The following DENND2C variants were observed in gnomAD, a reference collection of about 807,000 sequenced individuals.
The protein encoded by DENND2C is DENN domain containing 2C, also known as DENN domain-containing protein 2C.
Under a neutral mutation model 112.4 loss-of-function variants are expected in DENND2C, and 72 were observed. That is an observed-to-expected ratio of 0.64 (90% CI 0.53 to 0.78). DENND2C has a LOEUF of 0.78. Among genes scored for constraint, DENND2C ranks in the 30% least tolerant of loss-of-function variants. The pLI is 0.00. For synonymous variants in DENND2C, 329 were observed against 381.6 expected, an observed-to-expected ratio of 0.86 and a Z score of 1.61; for missense variants, 992 against 1,113.8, an observed-to-expected ratio of 0.89 and a Z score of 1.56.
chr1:114,663,060 A>T (rs191014397), intron 1 of DENND2C, among the ~76,000 whole-genome samples: 46 of 152,162 alleles, frequency 3.0e-4, no homozygotes, highest in Non-Finnish European at 6.5e-4. Context: ...AGTCCTTTAA[A>T]TTTTTTTCTC....
At chr1:114,610,692 T>C (rs1187090041) in intron 9 of DENND2C, among the ~76,000 whole-genome samples, 5 of 136,712 alleles carry the variant, frequency 3.7e-5, no homozygotes, top group African/African-American at 1.1e-4. Context: ...AGAGGGAGAC[T>C]CCGTCTCAAA....
At chr1:114,595,954 A>G in intron 16 of DENND2C, 81 bp from the exon 17 acceptor site, 5 of 1,309,898 alleles carry the variant, frequency 3.8e-6, no homozygotes, top group Non-Finnish European at 5.4e-6. Flanking sequence ...TTTAAACAAA[A>G]TTTACTCAAA....
chr1:114,583,598 G>A lies in DENND2C; in HGVS notation c.*2002C>T, dbSNP rs1454945840. 1 of 151,124 alleles carries A rather than the reference G, an allele frequency of 6.6e-6. No individual in the cohort carries two copies. The highest frequency in any genetic ancestry group is 2.0e-4 in the East Asian group (1 of 5,126). The allele number at this position is 151,124 out of a possible 1,614,324, so 9.4% of individuals were successfully genotyped here. A position where few individuals can be genotyped will look rare whatever the true frequency, so the allele number is the denominator to read the frequency against. Reference sequence around the variant, plus strand: ...AAGGTGGGTGGATCACCTGAGGTCAGGAGTTCGAGACCAGCCTGGCCAACA... The same window carrying A: ...AAGGTGGGTGGATCACCTGAGGTCAAGAGTTCGAGACCAGCCTGGCCAACA... On this transcript the variant is annotated 3_prime_UTR_variant, in exon 21 of 21. Transcript: ENST00000393274.
intron 18 of DENND2C, among the ~76,000 whole-genome samples, chr1:114,591,398 T>C (rs1655186863): frequency 6.6e-6 from 1 of 152,222 alleles, no homozygotes; most frequent in Non-Finnish European, 1.5e-5. Context: ...GGGCTTATCA[T>C]GTTTCTTCTT....
At chr1:114,616,968 C>A (rs1655988776) in intron 8 of DENND2C, among the ~76,000 whole-genome samples, 1 of 152,164 alleles carries the variant, frequency 6.6e-6, no homozygotes, top group African/African-American at 2.4e-5. Flanking sequence ...GCACTTCTTA[C>A]ATGGTGGCAG....
chr1:114,631,110 T>TG (rs1656476628), intron 3 of DENND2C, among the ~76,000 whole-genome samples: 2 of 152,268 alleles, frequency 1.3e-5, no homozygotes, highest in Non-Finnish European at 2.9e-5. Context: ...GCACTGTGGC[T>TG]GATGCCTGTA....
rs1656210846 is a variant in DENND2C, at chr1:114,623,056, A to G, written c.987T>C (p.Pro329=). 4 of 1,612,696 alleles carry G rather than the reference A, an allele frequency of 2.5e-6. No individual in the cohort carries two copies. Among genetic ancestry groups the G allele is most frequent in the East Asian group, 2.2e-5 (1 of 44,818 alleles). ...CTGAAGGGGATCTCCACATAGGTAA[A>G]GGCTGCACTGGAATATCTTCATATG... is the stretch of plus-strand genomic sequence containing the variant. The part of the protein sequence containing the change: ...ENPYEDIPVQ[P]LPMWRSPSAW... The change falls in exon 6 of 21, where the codon CCT becomes CCC. Residue 329 remains proline (P), a synonymous_variant. Coordinates refer to ENST00000393274, the MANE Select transcript of DENND2C (RefSeq NM_001256404.2).
chr1:114,661,079 C>G (rs540690284), intron 1 of DENND2C, among the ~76,000 whole-genome samples: 1 of 147,146 alleles, frequency 6.8e-6, no homozygotes, highest in East Asian at 2.0e-4. Flanking sequence ...CCACTGTGCA[C>G]CTGGGCGACA....
chr1:114,607,827 C>T (rs1199567349), intron 10 of DENND2C, among the ~76,000 whole-genome samples: 1 of 152,168 alleles, frequency 6.6e-6, no homozygotes, highest in Non-Finnish European at 1.5e-5. Context: ...GCACTATATA[C>T]ATTACCTCAC....
intron 1 of DENND2C, among the ~76,000 whole-genome samples, chr1:114,658,738 A>G (rs1657400217): frequency 8.2e-6 from 1 of 121,858 alleles, no homozygotes; most frequent in South Asian, 2.5e-4. Flanking sequence ...ACGACTCACA[A>G]GAGGGTCAAA....
chr1:114,649,049 G>A (rs957199149), intron 2 of DENND2C, among the ~76,000 whole-genome samples: 2 of 151,748 alleles, frequency 1.3e-5, no homozygotes, highest in African/African-American at 4.8e-5. Context: ...CCACCTCCCA[G>A]GTTCAAATGA....
Position 114,608,674 on chromosome 1 carries a change from C to T in DENND2C, c.1557+12G>A, listed in dbSNP as rs748923499. The T allele has an allele frequency of 1.5e-5, 24 of 1,612,482 alleles. No homozygotes were observed. The highest frequency in any genetic ancestry group is 1.3e-4 in the Admixed American group (8 of 59,772). ...AACATTCCTGAATGCCTCTTGGCCTCCTTGTGCCTACCTTGCCAGGGAATT... is the reference window on the plus strand; with the variant it reads ...AACATTCCTGAATGCCTCTTGGCCTTCTTGTGCCTACCTTGCCAGGGAATT... On this transcript the variant is annotated intron_variant, in intron 10 of 20. Transcript: ENST00000393274.
In DENND2C at chr1:114,608,811, A is replaced by AG; in HGVS notation, c.1431dup (p.Glu479GlyfsTer6). 6.2e-7 allele frequency: 1 copy of AG among 1,614,200 alleles called. No homozygotes were observed. Among genetic ancestry groups the AG allele is most frequent in the Non-Finnish European group, 8.5e-7 (1 of 1,180,028 alleles). On this transcript the variant is annotated frameshift_variant, in exon 10 of 21. Coordinates refer to ENST00000393274, the MANE Select transcript of DENND2C (RefSeq NM_001256404.2). LOFTEE classifies it high-confidence loss of function. ...TGTAATTCAATAAGATCCCGCTCCAAGGTCTGGTAGTGAGGATTCCTCTTG... is the reference window on the plus strand; with the variant it reads ...TGTAATTCAATAAGATCCCGCTCCAAGGGTCTGGTAGTGAGGATTCCTCTTG...
At chr1:114,586,898 ATT>A (rs565593002) in intron 20 of DENND2C, 77 of 141,428 alleles carry the variant, frequency 5.4e-4, no homozygotes, top group East Asian at 1.0e-3. Flanking sequence ...TGCCTAGCTA[ATT>A]TTTTTTTTTT....
chr1:114,590,592 C>G (rs1423078497), intron 18 of DENND2C, among the ~76,000 whole-genome samples: 1 of 151,656 alleles, frequency 6.6e-6, no homozygotes, highest in Non-Finnish European at 1.5e-5. Flanking sequence ...TCCTGGCTAA[C>G]ATGGTGAAAC....
intron 2 of DENND2C, among the ~76,000 whole-genome samples, chr1:114,648,592 T>C (rs1657063585): frequency 6.6e-6 from 1 of 152,206 alleles, no homozygotes; most frequent in African/African-American, 2.4e-5. Context: ...TGTGTTTCCC[T>C]GCCTCCTACA....
At chr1:114,597,879 A>C (rs1655387570) in intron 16 of DENND2C, among the ~76,000 whole-genome samples, 1 of 152,194 alleles carries the variant, frequency 6.6e-6, no homozygotes, top group Non-Finnish European at 1.5e-5. Context: ...AAATAGAAGG[A>C]TGCTCAACCT....
At chr1:114,650,928 T>A (rs6691804) in intron 2 of DENND2C, among the ~76,000 whole-genome samples, 1 of 152,084 alleles carries the variant, frequency 6.6e-6, no homozygotes, top group East Asian at 2.0e-4. Context: ...TCTCGTATCC[T>A]TCACAGTGCC....
In DENND2C at chr1:114,583,522, A is replaced by ACG. The variant is rs1287052816; in HGVS notation, c.*2077_*2078insCG. The ACG allele has an allele frequency of 1.3e-5, 2 of 152,106 alleles. No homozygotes were observed. Among genetic ancestry groups the ACG allele is most frequent in the Non-Finnish European group, 2.9e-5 (2 of 68,200 alleles). 9.4% of individuals were successfully genotyped at this position (152,106 alleles called of 1,614,324 possible). A position where few individuals can be genotyped will look rare whatever the true frequency, so the allele number is the denominator to read the frequency against. On this transcript the variant is annotated 3_prime_UTR_variant, in exon 21 of 21. Transcript: ENST00000393274. ...CACACACACACACACACACACACACACAGGCCGGGTGCAGTGACTCATGCC... is the reference window on the plus strand; with the variant it reads ...CACACACACACACACACACACACACACGCAGGCCGGGTGCAGTGACTCATGCC...
Sources: allele counts gnomAD v4.1 joint callset (sites outside exome capture counted in the v4.1 genomes callset), GRCh38; gene constraint gnomAD v4.1.1; transcripts MANE v1.5; gene names NCBI Gene and HGNC (gene_info 2026-07-23, HGNC 2026-07-21).